Variants in CUX1 observed in about 807,000 individuals in gnomAD.
The protein encoded by CUX1 is protein CASP.
In CUX1, 31 loss-of-function variants were observed where a neutral mutation model predicts 158.8. That is an observed-to-expected ratio of 0.20 (90% CI 0.15 to 0.26). The LOEUF (loss-of-function observed/expected upper bound fraction) is 0.26, where lower values mean the gene tolerates loss of function less well. CUX1 is among the 10% of genes least tolerant of loss of function. CUX1 has a pLI of 1.00. For synonymous variants in CUX1, 879 were observed against 862.1 expected (o/e 1.02, Z -0.34); for missense variants, 1,589 against 2,014.6 (o/e 0.79, Z 4.04).
chr7:102,134,077 G>A (rs1833633941), intron 8 of CUX1, among the ~76,000 whole-genome samples: 1 of 152,310 alleles, frequency 6.6e-6, no homozygotes, highest in South Asian at 2.1e-4. Flanking sequence ...GCTCACACCT[G>A]TAATCACAGC....
chr7:102,097,422 C>T lies in CUX1; in HGVS notation c.327C>T (p.His109=), dbSNP rs782462214. 10 of 1,613,638 alleles carry T rather than the reference C, an allele frequency of 6.2e-6. 1 individual carries two copies. The South Asian group carries it at 6.6e-5, about 11-fold the overall frequency. The change falls in exon 5 of 24, where the codon CAC becomes CAT. Residue 109 remains histidine (H), a synonymous_variant. Coordinates refer to ENST00000292535, the MANE Select transcript of CUX1 (RefSeq NM_181552.4). ...TCCAGCTCAAAGTGCAGCGCCTGCACGATATTGAAACAGAGAACCAGAAAC... is the reference window on the plus strand; with the variant it reads ...TCCAGCTCAAAGTGCAGCGCCTGCATGATATTGAAACAGAGAACCAGAAAC... The part of the protein sequence containing the change: ...QQLQLKVQRL[H]DIETENQKLR...
chr7:102,238,312 C>T (rs1206900364), intron 22 of CUX1, among the ~76,000 whole-genome samples: 2 of 152,170 alleles, frequency 1.3e-5, no homozygotes, highest in Non-Finnish European at 2.9e-5. Context: ...CGGGCGTCTT[C>T]CCAGACGCTG....
intron 3 of CUX1, among the ~76,000 whole-genome samples, chr7:102,058,597 T>TA (rs1824422649): frequency 1.3e-5 from 2 of 152,196 alleles, no homozygotes; most frequent in Admixed American, 1.3e-4. Context: ...TTTACTTTCT[T>TA]ATGGTGGTCT....
chr7:102,230,347 A>G (rs1403446856), intron 21 of CUX1, among the ~76,000 whole-genome samples: 1 of 151,848 alleles, frequency 6.6e-6, no homozygotes, highest in East Asian at 1.9e-4. Context: ...TTATCCAGGC[A>G]TGGTGGCACC....
intron 4 of CUX1, among the ~76,000 whole-genome samples, chr7:102,084,925 AG>A (rs1244494061): frequency 6.8e-6 from 1 of 147,750 alleles, no homozygotes; most frequent in East Asian, 1.9e-4. Context: ...AAGTAGAGAA[AG>A]CAGACATCCT....
In CUX1 at chr7:102,206,011, A is replaced by C. The variant is rs141276646; in HGVS notation, c.3130+841A>C. On this transcript the variant is annotated intron_variant, in intron 20 of 23. Transcript: ENST00000292535. ...TTTCTGTATTTTTCTAAACATGTTG[A>C]TTCGTCTCCATATCCCATTGATTCA... Among the ~76,000 whole-genome samples, 973 of 152,242 alleles carry C rather than the reference A, an allele frequency of 6.4e-3. 3 individuals carry two copies. Among genetic ancestry groups the C allele is most frequent in the Non-Finnish European group, 0.011 (746 of 68,016 alleles).
intron 3 of CUX1, among the ~76,000 whole-genome samples, chr7:102,060,432 C>A (rs17495210): frequency 1.3e-5 from 2 of 151,620 alleles, no homozygotes; most frequent in Non-Finnish European, 2.9e-5. Flanking sequence ...GCTGTTGACC[C>A]GGTTTCTATC....
intron 2 of CUX1, among the ~76,000 whole-genome samples, chr7:101,991,951 C>T (rs1815192699): frequency 6.6e-6 from 1 of 152,036 alleles, no homozygotes; most frequent in Non-Finnish European, 1.5e-5. Flanking sequence ...GTCCCAGCTC[C>T]TTGGGGGAGG....
chr7:102,195,504 T>C lies in CUX1; in HGVS notation c.1126-3T>C. ...AGTGAGACCCCCGCTCTGCCCCTTC[T>C]AGGATGCGGCCAAGCCCCTGGAGGT... is the stretch of plus-strand genomic sequence containing the variant. On this transcript the variant is annotated splice_polypyrimidine_tract_variant and splice_region_variant and intron_variant, in intron 13 of 23. Transcript: ENST00000292535. 1 of 1,610,488 alleles carries C rather than the reference T, an allele frequency of 6.2e-7. No individual in the cohort carries two copies. The highest frequency in any genetic ancestry group is 8.5e-7 in the Non-Finnish European group (1 of 1,179,382).
intron 2 of CUX1, among the ~76,000 whole-genome samples, chr7:101,977,064 C>T (rs1427737494): frequency 1.3e-5 from 2 of 151,778 alleles, no homozygotes; most frequent in Non-Finnish European, 2.9e-5. Flanking sequence ...AGGTGTGTAC[C>T]ACCACACCCG....
At position 102,097,702 on chromosome 7, in the gene CUX1, CACA is replaced by C. The variant is rs2130911230; in HGVS notation, c.406+207_406+209del. 2.2e-5 allele frequency among the ~76,000 whole-genome samples: 2 copies of C among 91,368 alleles called. 1 individual carries two copies. The highest frequency in any genetic ancestry group is 5.5e-4 in the South Asian group (2 of 3,636). 59.9% of individuals were successfully genotyped at this position (91,368 alleles called of 152,430 possible). A position where few individuals can be genotyped will look rare whatever the true frequency, so the allele number is the denominator to read the frequency against. Reference sequence around the variant, plus strand: ...ATTTCGAAGTAAAACTTTTCCTCTGCACAACAACGACGTAAGATTTTATTGCCC... The same window carrying C: ...ATTTCGAAGTAAAACTTTTCCTCTGCACAACGACGTAAGATTTTATTGCCC... On this transcript the variant is annotated intron_variant, in intron 5 of 23. Transcript: ENST00000292535.
intron 2 of CUX1, 21 bp from the exon 3 acceptor site, chr7:102,028,077 G>C: frequency 6.2e-7 from 1 of 1,612,022 alleles, no homozygotes; most frequent in Non-Finnish European, 8.5e-7. Flanking sequence ...GCTGCTTCCT[G>C]ACCTCCGCCT....
chr7:101,883,768 G>A (rs1799955228), intron 1 of CUX1, among the ~76,000 whole-genome samples: 1 of 151,946 alleles, frequency 6.6e-6, no homozygotes, highest in African/African-American at 2.4e-5. Context: ...GCTAATTTTT[G>A]TATTTTTAGT....
chr7:101,887,842 CATTTTTT>C (rs372204125), intron 1 of CUX1, among the ~76,000 whole-genome samples: 62,033 of 134,896 alleles, frequency 0.46, 13,821 homozygotes, highest in African/African-American at 0.59. Flanking sequence ...ATGACGGTGA[CATTTTTT>C]TTTTTTTTTT....
chr7:102,080,679 G>A (rs955229765), intron 4 of CUX1, among the ~76,000 whole-genome samples: 4 of 151,994 alleles, frequency 2.6e-5, no homozygotes, highest in Admixed American at 1.3e-4. Context: ...CCCTCTCCAC[G>A]CCCCCAGCCG....
At chr7:102,045,267 C>G (rs1419887547) in intron 3 of CUX1, among the ~76,000 whole-genome samples, 1 of 152,226 alleles carries the variant, frequency 6.6e-6, no homozygotes, top group African/African-American at 2.4e-5. Flanking sequence ...AGGAAATGAA[C>G]AGTTGAGAGA....
chr7:101,984,107 TATATATATATATATATATATATAC>T lies in CUX1; in HGVS notation c.142-43989_142-43966del, dbSNP rs1261279384. ...AAAAAAAAATATATATATATATATA[TATATATATATATATATATATATAC>T]ACACACACATATATATATGTGTGTG... On this transcript the variant is annotated intron_variant, in intron 2 of 23. Coordinates refer to ENST00000292535, the MANE Select transcript of CUX1 (RefSeq NM_181552.4). Among the ~76,000 whole-genome samples the T allele has an allele frequency of 6.7e-4, 25 of 37,468 alleles. 1 individual carries two copies. Among genetic ancestry groups the T allele is most frequent in the Middle Eastern group, 0.013 (1 of 76 alleles). The allele number at this position is 37,468 out of a possible 152,430, so 24.6% of individuals were successfully genotyped here. A position where few individuals can be genotyped will look rare whatever the true frequency, so the allele number is the denominator to read the frequency against.
chr7:102,030,454 G>A (rs561987705), intron 3 of CUX1, among the ~76,000 whole-genome samples: 31 of 151,882 alleles, frequency 2.0e-4, no homozygotes, highest in Non-Finnish European at 3.8e-4. Context: ...AACACACGTG[G>A]AAGGCTCCCG....
At chr7:102,029,515 C>T (rs762570742) in intron 3 of CUX1, among the ~76,000 whole-genome samples, 17 of 151,952 alleles carry the variant, frequency 1.1e-4, no homozygotes, top group Non-Finnish European at 2.5e-4. Context: ...CAACTGGGAG[C>T]GAGAGCAGGG....
Sources: gnomAD v4.1 joint callset for allele counts (sites outside exome capture counted in the v4.1 genomes callset) on GRCh38, gnomAD v4.1.1 for gene constraint, MANE v1.5 for transcripts, NCBI Gene and HGNC (gene_info 2026-07-23, HGNC 2026-07-21) for gene names.